Variants in BICRAL observed in about 807,000 individuals in gnomAD.
The protein encoded by BICRAL is BICRA like chromatin remodeling complex associated protein, also known as BRD4-interacting chromatin-remodeling complex-associated protein-like.
Under a neutral mutation model 91.8 loss-of-function variants are expected in BICRAL, and 8 were observed. The ratio of observed to expected loss-of-function variants is 0.09; its 90% CI spans 0.05 to 0.16. The LOEUF is 0.16. Among genes scored for constraint, BICRAL ranks in the 10% least tolerant of loss-of-function variants. The pLI is 1.00. For missense variants in BICRAL, 1,038 were observed against 1,310.9 expected (o/e 0.79, Z 3.21); for synonymous variants, 445 against 491.1 (o/e 0.91, Z 1.24).
At chr6:42,783,232 A>C (rs1762983691) in intron 1 of BICRAL, among the ~76,000 whole-genome samples, 1 of 151,540 alleles carries the variant, frequency 6.6e-6, no homozygotes, top group African/African-American at 2.4e-5. Flanking sequence ...ACCGCCGAGG[A>C]TCCGCGGCCG....
chr6:42,859,243 T>A (rs1489479333), intron 10 of BICRAL, among the ~76,000 whole-genome samples: 6 of 151,658 alleles, frequency 4.0e-5, no homozygotes, highest in African/African-American at 1.5e-4. Context: ...ACAAAAAAAT[T>A]AGCAAGGGCA....
In BICRAL at chr6:42,828,149, C is replaced by T. The variant is rs570903726; in HGVS notation, c.160-344C>T. Among the ~76,000 whole-genome samples the T allele has an allele frequency of 2.0e-5, 3 of 152,076 alleles. No homozygotes were observed. The East Asian group carries it at 5.8e-4, about 29-fold the overall frequency. On this transcript the variant is annotated intron_variant, in intron 5 of 12. Transcript: ENST00000314073. ...GTAAGATTGGCCAGGCGCGGTGGCT[C>T]ACTCCTGTAATCCCAGCACTTTGGG...
Position 42,855,869 on chromosome 6 carries a change from C to T in BICRAL, c.2060C>T (p.Ser687Leu), listed in dbSNP as rs143045076. 87 of 1,612,740 alleles carry T rather than the reference C, an allele frequency of 5.4e-5. No individual in the cohort carries two copies. The highest frequency in any genetic ancestry group is 3.2e-4 in the African/African-American group (24 of 74,718). The change falls in exon 9 of 13, where the codon TCG becomes TTG. Residue 687 changes from serine to leucine, a missense_variant. This residue lies in a region of BICRAL where 532 missense variants were observed against 724.9 expected (regional missense o/e 0.73). Transcript: ENST00000314073. Reference protein sequence around the residue: ...GHPAVQVESHSGGQKRPAAKQ... With the variant: ...GHPAVQVESHLGGQKRPAAKQ... ...TTTTGTCTTTAGGTGGAGAGTCATT[C>T]GGGAGGACAAAAAAGGCCTGCTGCG...
intron 6 of BICRAL, among the ~76,000 whole-genome samples, chr6:42,836,411 T>C (rs987006266): frequency 2.0e-5 from 3 of 152,080 alleles, no homozygotes; most frequent in South Asian, 2.1e-4. Flanking sequence ...CCAAAAAGCA[T>C]TGGGAACTAG....
At chr6:42,766,953 T>A (rs900277273) in intron 1 of BICRAL, among the ~76,000 whole-genome samples, 1 of 150,112 alleles carries the variant, frequency 6.7e-6, no homozygotes, top group Non-Finnish European at 1.5e-5. Context: ...GGCAGGAGAA[T>A]GGCGTGAACC....
intron 1 of BICRAL, among the ~76,000 whole-genome samples, chr6:42,763,130 C>A (rs1458782181): frequency 6.6e-6 from 1 of 152,072 alleles, no homozygotes; most frequent in Non-Finnish European, 1.5e-5. Context: ...AAAAGATAAC[C>A]CAATAACCTG....
At chr6:42,752,161 G>T (rs1562446261) in intron 1 of BICRAL, among the ~76,000 whole-genome samples, 2 of 152,210 alleles carry the variant, frequency 1.3e-5, no homozygotes, top group Non-Finnish European at 2.9e-5. Flanking sequence ...AGGTCCTGTT[G>T]TTGGGAAGCA....
upstream of BICRAL, among the ~76,000 whole-genome samples, chr6:42,746,681 C>G (rs892753159): frequency 2.0e-5 from 3 of 151,590 alleles, no homozygotes; most frequent in Non-Finnish European, 4.4e-5. Flanking sequence ...TCCCCCAACC[C>G]ATTTCTGCCT....
intron 1 of BICRAL, among the ~76,000 whole-genome samples, chr6:42,760,677 A>T (rs1262319784): frequency 6.6e-6 from 1 of 152,072 alleles, no homozygotes; most frequent in African/African-American, 2.4e-5. Context: ...GAGAGCTGGG[A>T]TTACAGGCAT....
chr6:42,860,280 C>T lies in BICRAL; in HGVS notation c.2273C>T (p.Thr758Ile), dbSNP rs1641035533. The T allele has an allele frequency of 1.2e-6, 2 of 1,601,652 alleles. No individual in the cohort carries two copies. Among genetic ancestry groups the T allele is most frequent in the Non-Finnish European group, 1.7e-6 (2 of 1,169,194 alleles). ...TTTAAAGTGGACAATGAATTTGAGA[C>T]AGTTGCCACTCAGCTCCTAAAAAGG... Reference protein sequence around the residue: ...DLRKVDNEFETVATQLLKRTQ... With the variant: ...DLRKVDNEFEIVATQLLKRTQ... Residue 758 changes from threonine to isoleucine, a missense_variant, in exon 11 of 13, where the codon ACA (threonine) becomes ATA (isoleucine). Thr to Ile is a moderately conservative substitution (Grantham distance 89). Transcript: ENST00000314073.
intron 5 of BICRAL, among the ~76,000 whole-genome samples, chr6:42,827,792 G>A (rs1406560578): frequency 6.6e-6 from 1 of 152,124 alleles, no homozygotes; most frequent in Non-Finnish European, 1.5e-5. Flanking sequence ...GGCCGAGATG[G>A]GAGGATCTCA....
At chr6:42,860,506 C>A in intron 11 of BICRAL, 150 bp downstream of exon 11, 1 of 553,194 alleles carries the variant, frequency 1.8e-6, no homozygotes, top group Non-Finnish European at 3.2e-6. Flanking sequence ...GCTGCTACTA[C>A]AAAAACAGCA....
chr6:42,749,714 C>T (rs1417808064), intron 1 of BICRAL, among the ~76,000 whole-genome samples: 1 of 152,064 alleles, frequency 6.6e-6, no homozygotes, highest in Non-Finnish European at 1.5e-5. Flanking sequence ...CAGTTACCAA[C>T]TGAGAATCTT....
At chr6:42,765,240 A>G (rs777671487) in intron 1 of BICRAL, among the ~76,000 whole-genome samples, 1 of 152,222 alleles carries the variant, frequency 6.6e-6, no homozygotes, top group Non-Finnish European at 1.5e-5. Flanking sequence ...TATTATTGCT[A>G]AACAGTGAAA....
chr6:42,830,709 G>A (rs1764450529), intron 6 of BICRAL, among the ~76,000 whole-genome samples: 1 of 152,110 alleles, frequency 6.6e-6, no homozygotes, highest in East Asian at 1.9e-4. Context: ...TCAACCTACT[G>A]GGCTCAGATG....
At position 42,857,202 on chromosome 6, in the gene BICRAL, G is replaced by T; in HGVS notation, c.2220G>T (p.Gln740His). The part of the protein sequence containing the change: ...VQRLLSYHVC[Q>H]GSMPTEEDLR... ...GACTGCTCTCCTACCACGTGTGCCA[G>T]GGCTCCATGCCCACTGAAGAAGACT... is the stretch of plus-strand genomic sequence containing the variant. The change falls in exon 10 of 13, where the codon CAG becomes CAT. Residue 740 changes from glutamine to histidine, a missense_variant. This residue lies in a region of BICRAL where 294 missense variants were observed against 292.6 expected (regional missense o/e 1.00). Transcript: ENST00000314073. 1 of 1,613,794 alleles carries T rather than the reference G, an allele frequency of 6.2e-7. No homozygotes were observed. The highest frequency in any genetic ancestry group is 8.5e-7 in the Non-Finnish European group (1 of 1,179,878).
rs572324877 is a variant in BICRAL at position 42,841,053 on chromosome 6, C to T, written c.1839+10881C>T. 8.5e-5 allele frequency among the ~76,000 whole-genome samples: 10 copies of T among 117,070 alleles called. No homozygotes were observed. In the East Asian group the frequency reaches 1.6e-3, roughly 19 times the overall value. 76.8% of individuals were successfully genotyped at this position (117,070 alleles called of 152,430 possible). A position where few individuals can be genotyped will look rare whatever the true frequency, so the allele number is the denominator to read the frequency against. On this transcript the variant is annotated intron_variant, in intron 6 of 12. Coordinates refer to ENST00000314073, the MANE Select transcript of BICRAL (RefSeq NM_001393499.1). ...TCATACCACTGCACTCCAGCCTAGG[C>T]GACAGAGCAAGACTCAATCTTTAAA...
intron 6 of BICRAL, among the ~76,000 whole-genome samples, chr6:42,836,619 C>CTTTTTTTTT (rs962446384): frequency 8.0e-6 from 1 of 125,358 alleles, no homozygotes; most frequent in African/African-American, 3.0e-5. Flanking sequence ...TGTGTAGTTT[C>CTTTTTTTTT]TTTTTTTTTT....
intron 1 of BICRAL, among the ~76,000 whole-genome samples, chr6:42,786,277 G>A (rs767319540): frequency 6.6e-6 from 1 of 152,204 alleles, no homozygotes; most frequent in African/African-American, 2.4e-5. Flanking sequence ...CTTTGCATAT[G>A]TCCACATTGG....
Sources: gnomAD v4.1 joint callset for allele counts (sites outside exome capture counted in the v4.1 genomes callset) on GRCh38, gnomAD v4.1.1 for gene constraint, gnomAD v4.1.1 regional missense constraint, MANE v1.5 for transcripts, NCBI Gene and HGNC (gene_info 2026-07-23, HGNC 2026-07-21) for gene names.